Variants in MAPK10 observed in about 807,000 individuals in gnomAD.
MAPK10 encodes mitogen-activated protein kinase 10, also known as JNK3 alpha protein kinase.
A neutral mutation model predicts 59.3 loss-of-function variants in MAPK10; 25 were observed. That is an observed-to-expected ratio of 0.42 (90% CI 0.31 to 0.59). MAPK10 has a LOEUF of 0.59. MAPK10 is among the 20% of genes least tolerant of loss of function. The pLI is 0.15. For synonymous variants in MAPK10, 190 were observed against 200.5 expected, an observed-to-expected ratio of 0.95 and a Z score of 0.44; for missense variants, 351 against 568.9, an observed-to-expected ratio of 0.62 and a Z score of 3.90.
At chr4:86,425,277 G>C (rs1195807351) in intron 1 of MAPK10, among the ~76,000 whole-genome samples, 2 of 152,102 alleles carry the variant, frequency 1.3e-5, no homozygotes, top group African/African-American at 4.8e-5. Context: ...AAAGCAAAAA[G>C]AATAGTAGTA....
chr4:86,137,285 T>C (rs1401105724), intron 4 of MAPK10, among the ~76,000 whole-genome samples: 2 of 151,690 alleles, frequency 1.3e-5, no homozygotes, highest in African/African-American at 2.4e-5. Context: ...TACTTGGAAG[T>C]AAAGCTGTCC....
At chr4:86,475,174 T>C (rs1018729930) in intron 1 of MAPK10, among the ~76,000 whole-genome samples, 3 of 152,172 alleles carry the variant, frequency 2.0e-5, no homozygotes, top group African/African-American at 7.2e-5. Context: ...TAAAAAGCTT[T>C]ATTGCTCACA....
intron 1 of MAPK10, among the ~76,000 whole-genome samples, chr4:86,412,987 G>A (rs1450175304): frequency 1.3e-5 from 2 of 152,106 alleles, no homozygotes; most frequent in Non-Finnish European, 2.9e-5. Context: ...GAGGCGCTCC[G>A]GTTTTTGGCA....
chr4:86,067,697 TA>T, intron 10 of MAPK10, 75 bp downstream of exon 10: 2 of 1,178,150 alleles, frequency 1.7e-6, no homozygotes, highest in Non-Finnish European at 2.4e-6. Context: ...GAGAAAGAGA[TA>T]GAGGTCTCTA....
chr4:86,510,612 C>T (rs776039847), intron 1 of MAPK10, among the ~76,000 whole-genome samples: 2 of 151,422 alleles, frequency 1.3e-5, no homozygotes, highest in African/African-American at 2.4e-5. Context: ...TATAAATATA[C>T]ATGAATATAT....
intron 2 of MAPK10, among the ~76,000 whole-genome samples, chr4:86,209,217 G>C (rs1386970815): frequency 6.6e-6 from 1 of 152,024 alleles, no homozygotes; most frequent in African/African-American, 2.4e-5. Context: ...GACTTGAAGT[G>C]AATAAACTGA....
chr4:86,126,216 C>T (rs1440715012), intron 4 of MAPK10, among the ~76,000 whole-genome samples: 1 of 152,096 alleles, frequency 6.6e-6, no homozygotes, highest in Non-Finnish European at 1.5e-5. Flanking sequence ...CCCTGGACTT[C>T]TTTCCTTTGT....
intron 2 of MAPK10, among the ~76,000 whole-genome samples, chr4:86,249,642 A>C (rs1293918442): frequency 6.6e-6 from 1 of 152,168 alleles, no homozygotes; most frequent in Non-Finnish European, 1.5e-5. Flanking sequence ...CTGCACATAC[A>C]ATCTACAGTA....
At chr4:86,178,965 G>A (rs895400814) in intron 3 of MAPK10, among the ~76,000 whole-genome samples, 1 of 152,116 alleles carries the variant, frequency 6.6e-6, no homozygotes, top group African/African-American at 2.4e-5. Context: ...CACTTTGGGA[G>A]GCCAAGGTGG....
At chr4:86,036,456 T>C (rs980603917) in intron 11 of MAPK10, among the ~76,000 whole-genome samples, 2 of 152,052 alleles carry the variant, frequency 1.3e-5, no homozygotes, top group Non-Finnish European at 2.9e-5. Flanking sequence ...GTTCTCTATC[T>C]AGTTAAAGGA....
intron 11 of MAPK10, among the ~76,000 whole-genome samples, chr4:86,063,657 T>C (rs2148985816): frequency 6.6e-6 from 1 of 152,140 alleles, no homozygotes; most frequent in South Asian, 2.1e-4. Flanking sequence ...GGTTGAAAAA[T>C]ATTTTTAAAA....
At chr4:86,497,937 A>G (rs1262334329) in intron 1 of MAPK10, among the ~76,000 whole-genome samples, 2 of 152,186 alleles carry the variant, frequency 1.3e-5, no homozygotes, top group Admixed American at 6.5e-5. Context: ...CATGAGCACA[A>G]CTGGCTTCTT....
chr4:86,307,201 G>A (rs1032909910), intron 2 of MAPK10, among the ~76,000 whole-genome samples: 2 of 152,092 alleles, frequency 1.3e-5, no homozygotes, highest in African/African-American at 4.8e-5. Context: ...AAATAAATAT[G>A]TCTTTACATA....
At chr4:86,307,131 G>A (rs1043412380) in intron 2 of MAPK10, among the ~76,000 whole-genome samples, 18 of 152,250 alleles carry the variant, frequency 1.2e-4, no homozygotes. Flanking sequence ...GGCATAAATT[G>A]AGATTCCAGT....
chr4:86,560,030 T>C (rs1760556477), intron 1 of MAPK10, among the ~76,000 whole-genome samples: 1 of 151,906 alleles, frequency 6.6e-6, no homozygotes, highest in Non-Finnish European at 1.5e-5. Context: ...TCACTAAATA[T>C]CATGTTGTAT....
At chr4:86,054,275 T>C (rs1405660557) in intron 11 of MAPK10, among the ~76,000 whole-genome samples, 2 of 152,170 alleles carry the variant, frequency 1.3e-5, no homozygotes, top group Non-Finnish European at 2.9e-5. Context: ...ATTCCTATTA[T>C]AAGTCATATA....
In MAPK10 at chr4:86,039,040, T is replaced by C. The variant is rs147156830; in HGVS notation, c.1111-7609A>G. 5.4e-3 allele frequency among the ~76,000 whole-genome samples: 827 copies of C among 152,338 alleles called. 3 individuals carry two copies. Among genetic ancestry groups the C allele is most frequent in the Non-Finnish European group, 8.2e-3 (559 of 68,028 alleles). On this transcript the variant is annotated intron_variant, in intron 11 of 13. Coordinates refer to ENST00000641462, the MANE Select transcript of MAPK10 (RefSeq NM_138982.4). Reference sequence around the variant, plus strand: ...GCAAGTTTCAGGAACTATGTCTGTGTTCTCAAACAGAAATTAAATAATATA... The same window carrying C: ...GCAAGTTTCAGGAACTATGTCTGTGCTCTCAAACAGAAATTAAATAATATA...
intron 2 of MAPK10, among the ~76,000 whole-genome samples, chr4:86,353,656 ATCAGTCTTCC>A (rs1732849117): frequency 6.6e-6 from 1 of 152,186 alleles, no homozygotes; most frequent in Admixed American, 6.5e-5. Flanking sequence ...GATTAATTTC[ATCAGTCTTCC>A]GCAGTCATAG....
intron 1 of MAPK10, among the ~76,000 whole-genome samples, chr4:86,425,634 G>A (rs1747173675): frequency 6.6e-6 from 1 of 152,116 alleles, no homozygotes; most frequent in Non-Finnish European, 1.5e-5. Flanking sequence ...AAATGTCACA[G>A]AGAGCTATAT....
Sources: gnomAD v4.1 joint callset for allele counts (sites outside exome capture counted in the v4.1 genomes callset) on GRCh38, gnomAD v4.1.1 for gene constraint, MANE v1.5 for transcripts, NCBI Gene and HGNC (gene_info 2026-07-23, HGNC 2026-07-21) for gene names.